The following YAF2 variants were observed in gnomAD, a reference collection of about 807,000 sequenced individuals.
YAF2 encodes YY1 associated factor 2.
A neutral mutation model predicts 20.1 loss-of-function variants in YAF2; 7 were observed. That is an observed-to-expected ratio of 0.35 (90% CI 0.20 to 0.65). The LOEUF (loss-of-function observed/expected upper bound fraction) is 0.65, where lower values mean the gene tolerates loss of function less well. Among genes scored for constraint, YAF2 ranks in the 30% least tolerant of loss-of-function variants. The pLI is 0.69. For missense variants in YAF2, 151 were observed against 219.2 expected (o/e 0.69, Z 1.96); for synonymous variants, 74 against 76.0 (o/e 0.97, Z 0.14).
At chr12:42,164,795 C>T (rs1023450634) in intron 2 of YAF2, among the ~76,000 whole-genome samples, 11 of 152,052 alleles carry the variant, frequency 7.2e-5, no homozygotes, top group African/African-American at 2.7e-4. Flanking sequence ...TACAACCAAG[C>T]GTGGTGGCTC....
chr12:42,213,743 A>T (rs971988530), intron 2 of YAF2, among the ~76,000 whole-genome samples: 2 of 152,222 alleles, frequency 1.3e-5, no homozygotes, highest in Non-Finnish European at 2.9e-5. Flanking sequence ...GTAAGTACTG[A>T]AATGCCATAC....
At chr12:42,234,209 G>C (rs962675603) in intron 2 of YAF2, 37 of 966,498 alleles carry the variant, frequency 3.8e-5, no homozygotes, top group Admixed American at 6.3e-5. Context: ...GAAAAGAAAA[G>C]AAAAGAAAAG....
At chr12:42,238,060 C>A (rs1246545589) in intron 1 of YAF2, 95 bp downstream of exon 1, 2 of 1,132,080 alleles carry the variant, frequency 1.8e-6, no homozygotes, top group Non-Finnish European at 1.1e-6. Context: ...GTGCTCGCCC[C>A]GGTGCCCGGG....
rs570803188 is a variant in YAF2, at chr12:42,236,723, C to G, written c.152+876G>C. 5.9e-5 allele frequency among the ~76,000 whole-genome samples: 9 copies of G among 152,182 alleles called. No individual in the cohort carries two copies. In the East Asian group the frequency reaches 1.7e-3, roughly 29 times the overall value. ...TAGTTTCTAATGGACTTTGTAATAT[C>G]AAAATACATATCTTCTCTAAATATT... On this transcript the variant is annotated intron_variant, in intron 2 of 3. Transcript: ENST00000534854.
chr12:42,176,589 T>C (rs2066200023), intron 2 of YAF2, among the ~76,000 whole-genome samples: 1 of 152,176 alleles, frequency 6.6e-6, no homozygotes, highest in African/African-American at 2.4e-5. Context: ...CATCAAATGC[T>C]TTCCATCCCC....
chr12:42,210,389 T>C, intron 2 of YAF2: 1 of 1,532,278 alleles, frequency 6.5e-7, no homozygotes, highest in Non-Finnish European at 8.7e-7. Context: ...GTCTTTTCCC[T>C]CACAGATCCA....
chr12:42,170,994 T>TG (rs1194227730), intron 2 of YAF2, among the ~76,000 whole-genome samples: 1 of 152,096 alleles, frequency 6.6e-6, no homozygotes, highest in African/African-American at 2.4e-5. Flanking sequence ...TGTTTAGTTT[T>TG]TTTTTGTTTT....
In YAF2 at chr12:42,236,098, G is replaced by A. The variant is rs950724239; in HGVS notation, c.152+1501C>T. 7.1e-6 allele frequency: 10 copies of A among 1,415,550 alleles called. No homozygotes were observed. The African/African-American group carries it at 1.2e-4, about 16-fold the overall frequency. 87.7% of individuals were successfully genotyped at this position (1,415,550 alleles called of 1,614,324 possible). On this transcript the variant is annotated intron_variant, in intron 2 of 3. Coordinates refer to ENST00000534854, the MANE Select transcript of YAF2 (RefSeq NM_005748.6). ...AAAAGCAATAATATATAGTACCAGA[G>A]ATCAAGATTATAATTGTTTCCACTT...
chr12:42,195,027 A>G (rs996762998), intron 2 of YAF2, among the ~76,000 whole-genome samples: 2 of 152,354 alleles, frequency 1.3e-5, no homozygotes, highest in African/African-American at 2.4e-5. Context: ...TTATACCAAC[A>G]GGTAGTTTTA....
At chr12:42,200,698 C>T (rs182161640) in intron 2 of YAF2, among the ~76,000 whole-genome samples, 1 of 152,316 alleles carries the variant, frequency 6.6e-6, no homozygotes, top group Admixed American at 6.5e-5. Context: ...CAACCACTAT[C>T]ATAAGTGTGG....
At position 42,158,204 on chromosome 12, in the gene YAF2, T is replaced by C. The variant is rs2065738632; in HGVS notation, c.*2385A>G. The C allele has an allele frequency of 6.6e-6, 1 of 152,140 alleles. No individual in the cohort carries two copies. Among genetic ancestry groups the C allele is most frequent in the African/African-American group, 2.4e-5 (1 of 41,430 alleles). The allele number at this position is 152,140 out of a possible 1,614,324, so 9.4% of individuals were successfully genotyped here. A position where few individuals can be genotyped will look rare whatever the true frequency, so the allele number is the denominator to read the frequency against. On this transcript the variant is annotated 3_prime_UTR_variant, in exon 4 of 4. Coordinates refer to ENST00000534854, the MANE Select transcript of YAF2 (RefSeq NM_005748.6). The stretch of plus-strand genomic sequence containing the variant: ...CCTGTGATTAATAAAAGTAAAATAA[T>C]TTCAAGTCAACTTAATTCATTTCTC...
intron 2 of YAF2, among the ~76,000 whole-genome samples, chr12:42,168,667 TA>T (rs1309011478): frequency 6.6e-6 from 1 of 151,954 alleles, no homozygotes; most frequent in African/African-American, 2.4e-5. Context: ...ATTTCTCCTT[TA>T]AAAAAACAAG....
At chr12:42,227,491 G>A (rs1164632568) in intron 2 of YAF2, among the ~76,000 whole-genome samples, 9 of 132,810 alleles carry the variant, frequency 6.8e-5, no homozygotes, top group African/African-American at 1.5e-4. Flanking sequence ...CTGCCCCGCC[G>A]CCCCATCTGG....
intron 2 of YAF2, among the ~76,000 whole-genome samples, chr12:42,165,149 A>C (rs1365713552): frequency 1.3e-5 from 2 of 152,184 alleles, no homozygotes; most frequent in East Asian, 3.9e-4. Context: ...TAAGGAGATT[A>C]ACCATGAACA....
At chr12:42,235,427 C>A in intron 2 of YAF2, 1 of 1,083,722 alleles carries the variant, frequency 9.2e-7, no homozygotes, top group Non-Finnish European at 1.1e-6. Context: ...TCTCTAGTAA[C>A]AATACCCTGT....
At chr12:42,204,227 CT>C (rs2066978003) in intron 2 of YAF2, among the ~76,000 whole-genome samples, 1 of 152,204 alleles carries the variant, frequency 6.6e-6, no homozygotes. Context: ...GATGCAGCCA[CT>C]TTGGAAAAAA....
chr12:42,215,071 T>TA (rs769301151), intron 2 of YAF2, among the ~76,000 whole-genome samples: 1 of 152,210 alleles, frequency 6.6e-6, no homozygotes, highest in Non-Finnish European at 1.5e-5. Context: ...TTCTCCTCTG[T>TA]AACTCCATTA....
At chr12:42,227,137 C>T (rs1428970364) in intron 2 of YAF2, among the ~76,000 whole-genome samples, 4 of 145,768 alleles carry the variant, frequency 2.7e-5, no homozygotes, top group African/African-American at 7.6e-5. Context: ...GCCGCGCCGG[C>T]GAGCGCCGCC....
chr12:42,203,864 A>G (rs1046838234), intron 2 of YAF2, among the ~76,000 whole-genome samples: 5 of 152,326 alleles, frequency 3.3e-5, no homozygotes, highest in Middle Eastern at 3.4e-3. Flanking sequence ...GTCAATTTGC[A>G]TAAGATTGGG....
Sources: gnomAD v4.1 joint callset for allele counts (sites outside exome capture counted in the v4.1 genomes callset) on GRCh38, gnomAD v4.1.1 for gene constraint, MANE v1.5 for transcripts, NCBI Gene and HGNC (gene_info 2026-07-23, HGNC 2026-07-21) for gene names.